GRIP1: variants seen among roughly 807,000 people sequenced by gnomAD.
GRIP1 encodes the protein glutamate receptor-interacting protein 1.
GRIP1 carries 45 observed loss-of-function variants against 129.9 expected under a neutral mutation model. That is an observed-to-expected ratio of 0.35 (90% CI 0.27 to 0.44). GRIP1 has a LOEUF of 0.44. Among genes scored for constraint, GRIP1 ranks in the 20% least tolerant of loss-of-function variants. The probability of loss-of-function intolerance (pLI) is 1.00; values close to 1 mark genes in which losing one functional copy is unlikely to be tolerated. For missense variants in GRIP1, 1,196 were observed against 1,396.8 expected (o/e 0.86, Z 2.29); for synonymous variants, 530 against 520.8 (o/e 1.02, Z -0.24).
At chr12:66,353,291 C>T (rs1228548340) in intron 24 of GRIP1, 126 bp downstream of exon 24, 2 of 778,326 alleles carry the variant, frequency 2.6e-6, no homozygotes, top group Non-Finnish European at 4.6e-6. Flanking sequence ...TCTACTGATT[C>T]CATAATCTTG....
chr12:66,860,424 C>A (rs1751101453), intron 1 of GRIP1, among the ~76,000 whole-genome samples: 1 of 152,084 alleles, frequency 6.6e-6, no homozygotes, highest in Admixed American at 6.6e-5. Context: ...TGTGTTGAGA[C>A]AATAATCCGA....
intron 16 of GRIP1, among the ~76,000 whole-genome samples, chr12:66,399,658 T>G (rs2137587985): frequency 6.6e-6 from 1 of 152,112 alleles, no homozygotes; most frequent in East Asian, 1.9e-4. Context: ...GCTGCATTAC[T>G]TATCTGCAAT....
intron 1 of GRIP1, among the ~76,000 whole-genome samples, chr12:66,662,443 G>A (rs1441187069): frequency 5.3e-5 from 8 of 151,754 alleles, no homozygotes; most frequent in African/African-American, 1.4e-4. Context: ...ATATTCCCTT[G>A]AGGGCAAAAA....
chr12:66,893,948 C>T (rs1008634047), intron 1 of GRIP1, among the ~76,000 whole-genome samples: 1 of 152,248 alleles, frequency 6.6e-6, no homozygotes, highest in South Asian at 2.1e-4. Flanking sequence ...CTAGCTTCAT[C>T]TCTATTCCTC....
At chr12:67,034,087 CA>C (rs2043060112) in intron 1 of GRIP1, among the ~76,000 whole-genome samples, 1 of 152,180 alleles carries the variant, frequency 6.6e-6, no homozygotes, top group African/African-American at 2.4e-5. Flanking sequence ...ACTCTTAATT[CA>C]AAACTTTTCC....
intron 23 of GRIP1, among the ~76,000 whole-genome samples, chr12:66,355,127 G>A (rs2054418817): frequency 6.6e-6 from 1 of 152,100 alleles, no homozygotes; most frequent in Non-Finnish European, 1.5e-5. Context: ...TGAAAATGCA[G>A]TCTCAGACCC....
chr12:66,969,258 C>T (rs968116607), intron 1 of GRIP1, among the ~76,000 whole-genome samples: 1 of 152,100 alleles, frequency 6.6e-6, no homozygotes, highest in Admixed American at 6.6e-5. Flanking sequence ...AGATGTCTGT[C>T]ATTAATTTTG....
intron 2 of GRIP1, among the ~76,000 whole-genome samples, chr12:66,558,302 A>G (rs2062403231): frequency 6.6e-6 from 1 of 152,144 alleles, no homozygotes; most frequent in South Asian, 2.1e-4. Context: ...CATCTCTTAC[A>G]TGGTGGCAGG....
chr12:66,931,260 T>A (rs1050914171), intron 1 of GRIP1, among the ~76,000 whole-genome samples: 1 of 152,242 alleles, frequency 6.6e-6, no homozygotes, highest in Admixed American at 6.5e-5. Context: ...GTCACAGGGA[T>A]GCCCTGAGGC....
At chr12:66,485,410 A>G (rs1458655902) in intron 7 of GRIP1, among the ~76,000 whole-genome samples, 1 of 146,976 alleles carries the variant, frequency 6.8e-6, no homozygotes, top group African/African-American at 2.7e-5. Context: ...TTAAATATAT[A>G]TATATAATTT....
intron 1 of GRIP1, among the ~76,000 whole-genome samples, chr12:66,960,638 C>G (rs534320316): frequency 1.3e-5 from 2 of 152,152 alleles, no homozygotes; most frequent in Non-Finnish European, 2.9e-5. Context: ...CAAGGGTCCT[C>G]GGCTACAACT....
rs182217809 is a variant in GRIP1 at position 66,399,242 on chromosome 12, A to T, written c.1985-4890T>A. Among the ~76,000 whole-genome samples, 496 of 152,036 alleles carry T rather than the reference A, an allele frequency of 3.3e-3. 15 individuals carry two copies. Among genetic ancestry groups the T allele is most frequent in the African/African-American group, 0.012 (483 of 41,292 alleles). On this transcript the variant is annotated intron_variant, in intron 16 of 24. Transcript: ENST00000359742. ...GGAGCGTTGAGTCAGCTTTAGGGTCAACTGCCAATTCCACCTGCCTTCTCG... is the reference window on the plus strand; with the variant it reads ...GGAGCGTTGAGTCAGCTTTAGGGTCTACTGCCAATTCCACCTGCCTTCTCG...
Position 66,736,435 on chromosome 12 carries a change from T to C in GRIP1, c.-420+67618A>G, listed in dbSNP as rs7965834. ...TATGTTTTCTAGGTTGGTCTCAAAC[T>C]CTGCAATTAACATATTTTTGTATAA... On this transcript the variant is annotated intron_variant, in intron 1 of 4. Coordinates refer to the GRIP1 transcript ENST00000538373. Among the ~76,000 whole-genome samples the C allele has an allele frequency of 2.3e-3, 331 of 146,370 alleles. 1 individual carries two copies. Among genetic ancestry groups the C allele is most frequent in the African/African-American group, 8.0e-3 (317 of 39,834 alleles).
intron 1 of GRIP1, among the ~76,000 whole-genome samples, chr12:66,631,796 A>C (rs763171785): frequency 6.6e-6 from 1 of 152,240 alleles, no homozygotes; most frequent in Non-Finnish European, 1.5e-5. Context: ...GAGGATTGTC[A>C]CAAGGTGAGT....
At chr12:66,897,757 C>T (rs1273675487) in intron 1 of GRIP1, among the ~76,000 whole-genome samples, 1 of 152,174 alleles carries the variant, frequency 6.6e-6, no homozygotes. Flanking sequence ...TTTGTGAATT[C>T]TAATATGTAT....
At chr12:66,565,930 A>G (rs1350612013) in intron 2 of GRIP1, among the ~76,000 whole-genome samples, 1 of 152,050 alleles carries the variant, frequency 6.6e-6, no homozygotes, top group Non-Finnish European at 1.5e-5. Context: ...TTTGTCTGTT[A>G]CTGGTGTATA....
upstream of GRIP1, among the ~76,000 whole-genome samples, chr12:66,682,915 T>C (rs1171228110): frequency 6.6e-6 from 1 of 152,182 alleles, no homozygotes; most frequent in Non-Finnish European, 1.5e-5. Flanking sequence ...TCCCATTTAT[T>C]TGCTTATTCA....
At chr12:67,008,984 G>A (rs2042666799) in intron 1 of GRIP1, among the ~76,000 whole-genome samples, 1 of 152,090 alleles carries the variant, frequency 6.6e-6, no homozygotes, top group Non-Finnish European at 1.5e-5. Context: ...GCAAATGTGA[G>A]GTAAAATGTG....
intron 1 of GRIP1, among the ~76,000 whole-genome samples, chr12:66,748,614 G>A (rs1407979592): frequency 6.6e-6 from 1 of 152,130 alleles, no homozygotes; most frequent in African/African-American, 2.4e-5. Flanking sequence ...GTGGTTTAAG[G>A]ATCTAGAGAG....
Sources: allele counts gnomAD v4.1 joint callset (sites outside exome capture counted in the v4.1 genomes callset), GRCh38; gene constraint gnomAD v4.1.1; transcripts MANE v1.5; gene names NCBI Gene and HGNC (gene_info 2026-07-23, HGNC 2026-07-21).